The following MCPH1 variants were observed in gnomAD, a reference collection of about 807,000 sequenced individuals.
MCPH1 encodes the protein microcephalin.
Under a neutral mutation model 84.5 loss-of-function variants are expected in MCPH1, and 104 were observed. The observed-to-expected ratio is 1.23, with a 90% CI of 1.05 to 1.45. MCPH1 has a LOEUF of 1.45. MCPH1 is among the 40% of genes most tolerant of loss of function. The pLI, the probability that MCPH1 is intolerant of heterozygous loss-of-function variation, is 0.00. For missense variants in MCPH1, 1,498 were observed against 1,005.7 expected, an observed-to-expected ratio of 1.49 and a Z score of -6.62; for synonymous variants, 514 against 366.8, an observed-to-expected ratio of 1.40 and a Z score of -4.58.
At chr8:6,573,024 CT>C (rs1826791476) in intron 12 of MCPH1, among the ~76,000 whole-genome samples, 5 of 152,302 alleles carry the variant, frequency 3.3e-5, no homozygotes, top group Middle Eastern at 3.4e-3. Flanking sequence ...AGAAAATTGC[CT>C]GTGCACTTAA....
chr8:6,539,504 G>A (rs904429163), intron 12 of MCPH1, among the ~76,000 whole-genome samples: 16 of 152,140 alleles, frequency 1.1e-4, no homozygotes, highest in Admixed American at 3.9e-4. Context: ...CCACATGGAC[G>A]CCTGCCCACA....
At chr8:6,505,260 TTTTATATATATGTATA>T (rs1813138211) in intron 12 of MCPH1, among the ~76,000 whole-genome samples, 1 of 23,892 alleles carries the variant, frequency 4.2e-5, no homozygotes, top group Non-Finnish European at 8.5e-5. Flanking sequence ...TTTATATATG[TTTTATATATATGTATA>T]CATATATATG....
rs1331202231 is a variant in MCPH1, at chr8:6,647,882, A to T, written c.*4833A>T. ...ATGAACAGAACACTTTTAATGGGTA[A>T]GCCTTAAGGCATGTGAATTATACAC... On this transcript the variant is annotated 3_prime_UTR_variant, in exon 14 of 14. Coordinates refer to ENST00000344683, the MANE Select transcript of MCPH1 (RefSeq NM_024596.5). The T allele has an allele frequency of 6.6e-6, 1 of 152,222 alleles. No individual in the cohort carries two copies. The allele number at this position is 152,222 out of a possible 1,614,324, so 9.4% of individuals were successfully genotyped here.
chr8:6,553,823 C>T (rs775609680), intron 12 of MCPH1, among the ~76,000 whole-genome samples: 9 of 152,104 alleles, frequency 5.9e-5, no homozygotes, highest in Non-Finnish European at 8.8e-5. Flanking sequence ...TAAAGTCCCA[C>T]GTGATTCAGC....
At chr8:6,489,884 GA>G (rs1438238986) in intron 11 of MCPH1, among the ~76,000 whole-genome samples, 23 of 152,188 alleles carry the variant, frequency 1.5e-4, no homozygotes, top group Admixed American at 1.5e-3. Flanking sequence ...GTATATTAAT[GA>G]AAAAGTTGCT....
At chr8:6,556,052 C>T (rs753407392) in intron 12 of MCPH1, among the ~76,000 whole-genome samples, 1 of 152,148 alleles carries the variant, frequency 6.6e-6, no homozygotes, top group African/African-American at 2.4e-5. Context: ...TAGGAGTGCC[C>T]TGCACTCGTC....
At chr8:6,581,840 G>A (rs1827591019) in intron 12 of MCPH1, among the ~76,000 whole-genome samples, 1 of 152,146 alleles carries the variant, frequency 6.6e-6, no homozygotes, top group South Asian at 2.1e-4. Context: ...TCTGGTGAGG[G>A]CCTGTTTCCT....
intron 2 of MCPH1, 25 bp from the exon 3 acceptor site, chr8:6,414,740 T>C: frequency 1.2e-6 from 2 of 1,612,006 alleles, no homozygotes; most frequent in Non-Finnish European, 1.7e-6. Flanking sequence ...TAATGTACAT[T>C]TTGTTTTCTG....
intron 12 of MCPH1, among the ~76,000 whole-genome samples, chr8:6,573,354 G>C (rs1001938544): frequency 6.6e-6 from 1 of 152,014 alleles, no homozygotes; most frequent in Non-Finnish European, 1.5e-5. Context: ...ATTAACATCA[G>C]GCTCATGATG....
chr8:6,475,064 T>C (rs1037912018), intron 9 of MCPH1, among the ~76,000 whole-genome samples: 1 of 152,218 alleles, frequency 6.6e-6, no homozygotes, highest in Non-Finnish European at 1.5e-5. Flanking sequence ...AGATTCAATT[T>C]ATAGGTGTCT....
In MCPH1 at chr8:6,568,473, C is replaced by CT. The variant is rs904476277; in HGVS notation, c.2215-52981_2215-52980insT. The stretch of plus-strand genomic sequence containing the variant: ...GCCAAACAGAATTTGCTTGTGGGCC[C>CT]CGTGACCCCTGCTGTTGTCCAGTTT... On this transcript the variant is annotated intron_variant, in intron 12 of 13. Coordinates refer to ENST00000344683, the MANE Select transcript of MCPH1 (RefSeq NM_024596.5). Among the ~76,000 whole-genome samples the CT allele has an allele frequency of 2.0e-4, 30 of 152,318 alleles. 1 individual carries two copies. Among genetic ancestry groups the CT allele is most frequent in the African/African-American group, 7.0e-4 (29 of 41,568 alleles).
chr8:6,442,262 T>G (rs1442397539), intron 7 of MCPH1, 106 bp downstream of exon 7: 1 of 724,072 alleles, frequency 1.4e-6, no homozygotes, highest in Non-Finnish European at 2.4e-6. Flanking sequence ...AAATAATTAG[T>G]TAAAACTAGA....
intron 12 of MCPH1, among the ~76,000 whole-genome samples, chr8:6,538,739 C>A (rs991057451): frequency 2.4e-4 from 36 of 152,210 alleles, no homozygotes; most frequent in Admixed American, 2.0e-4. Context: ...TAAATCTCCA[C>A]AGACAATAGG....
At chr8:6,455,693 G>T (rs1030375562) in intron 9 of MCPH1, among the ~76,000 whole-genome samples, 2 of 152,146 alleles carry the variant, frequency 1.3e-5, no homozygotes, top group Non-Finnish European at 2.9e-5. Context: ...TCCCTTTGTG[G>T]TTTTGGCTTT....
intron 12 of MCPH1, among the ~76,000 whole-genome samples, chr8:6,617,711 C>G (rs763974034): frequency 1.3e-5 from 2 of 152,042 alleles, no homozygotes; most frequent in Non-Finnish European, 2.9e-5. Flanking sequence ...GGGTCTCGCT[C>G]TGTCACCCAC....
At chr8:6,474,824 G>T (rs536319952) in intron 9 of MCPH1, among the ~76,000 whole-genome samples, 3 of 152,226 alleles carry the variant, frequency 2.0e-5, no homozygotes, top group African/African-American at 7.2e-5. Flanking sequence ...CATAGCGAGA[G>T]ACCCCATCTT....
intron 12 of MCPH1, among the ~76,000 whole-genome samples, chr8:6,549,163 G>C (rs1823138871): frequency 1.3e-5 from 2 of 152,164 alleles, no homozygotes. Context: ...ATGATACATG[G>C]GTTTGTACAG....
intron 12 of MCPH1, chr8:6,501,436 A>T (rs1042793943): frequency 6.6e-6 from 1 of 152,216 alleles, no homozygotes; most frequent in African/African-American, 2.4e-5. Context: ...AAAGCTTTAC[A>T]CAAATGTTCA....
chr8:6,444,621 T>C lies in MCPH1; in HGVS notation c.899T>C (p.Ile300Thr), dbSNP rs774749475. 3.7e-6 allele frequency: 6 copies of C among 1,614,006 alleles called. No homozygotes were observed. In the African/African-American group the frequency reaches 6.7e-5, roughly 18 times the overall value. Residue 300 changes from isoleucine to threonine, a missense_variant, in exon 8 of 14, where the codon ATA (isoleucine) becomes ACA (threonine). By Grantham distance (89) the Ile-to-Thr change is moderately conservative. Coordinates refer to ENST00000344683, the MANE Select transcript of MCPH1 (RefSeq NM_024596.5). ...KFLSNLSKEE[I>T]NLQRNIAGKV... is the part of the protein sequence containing the mutation. Reference sequence around the variant, plus strand: ...CTGAGTAATCTTTCAAAGGAAGAAATAAACTTGCAAAGAAATATTGCAGGT... The same window carrying C: ...CTGAGTAATCTTTCAAAGGAAGAAACAAACTTGCAAAGAAATATTGCAGGT...
Sources: gnomAD v4.1 joint callset for allele counts (sites outside exome capture counted in the v4.1 genomes callset) on GRCh38, gnomAD v4.1.1 for gene constraint, MANE v1.5 for transcripts, NCBI Gene and HGNC (gene_info 2026-07-23, HGNC 2026-07-21) for gene names.